The following ACE variants were observed in gnomAD, a reference collection of about 807,000 sequenced individuals.
ACE encodes angiotensin-converting enzyme.
ACE carries 122 observed loss-of-function variants against 162.3 expected under a neutral mutation model. The observed-to-expected ratio is 0.75, with a 90% CI of 0.65 to 0.87. The LOEUF is 0.87. Among genes scored for constraint, ACE ranks in the 40% least tolerant of loss-of-function variants. ACE has a pLI of 0.00. For missense variants in ACE, 1,799 were observed against 1,735.1 expected (o/e 1.04, Z -0.65); for synonymous variants, 796 against 720.6 (o/e 1.10, Z -1.68).
chr17:63,478,408 G>C (rs1055790828), intron 2 of ACE: 7 of 403,852 alleles, frequency 1.7e-5, no homozygotes, highest in African/African-American at 1.4e-4. Flanking sequence ...GCTCAAGCCT[G>C]TAATCCCAGC....
Position 63,484,382 on chromosome 17 carries a change from A to C in ACE, c.1762A>C (p.Met588Leu). Residue 588 changes from methionine to leucine, a missense_variant, in exon 12 of 25, where the codon ATG (methionine) becomes CTG (leucine). Transcript: ENST00000290866. This position sits in a 1 kb window ranked among gnomAD's most constrained non-coding sequence, Gnocchi z 4.0. Reference sequence around the variant, plus strand: ...GCCCTGGCAGGAGGTGCTGAAGGACATGGTCGGCTTAGATGCCCTGGATGC... The same window carrying C: ...GCCCTGGCAGGAGGTGCTGAAGGACCTGGTCGGCTTAGATGCCCTGGATGC... ...SRPWQEVLKD[M>L]VGLDALDAQP... 6.2e-7 allele frequency: 1 copy of C among 1,611,980 alleles called. No individual in the cohort carries two copies. Among genetic ancestry groups the C allele is most frequent in the Non-Finnish European group, 8.5e-7 (1 of 1,179,918 alleles).
In ACE at chr17:63,479,060, C is replaced by T. The variant is rs758350830; in HGVS notation, c.471C>T (p.Cys157=). ...MSRIYSTAKV[C]LPNKTATCWS... ...GGATCTACTCCACCGCCAAGGTCTGCCTCCCCAACAAGACTGCCACCTGCT... is the reference window on the plus strand; with the variant it reads ...GGATCTACTCCACCGCCAAGGTCTGTCTCCCCAACAAGACTGCCACCTGCT... The change falls in exon 3 of 25, where the codon TGC becomes TGT. Residue 157 remains cysteine, a synonymous_variant. Transcript: ENST00000290866. The T allele has an allele frequency of 1.9e-6, 3 of 1,613,572 alleles. No individual in the cohort carries two copies. Among genetic ancestry groups the T allele is most frequent in the South Asian group, 2.2e-5 (2 of 90,996 alleles).
chr17:63,478,055 G>T lies in ACE; in HGVS notation c.374G>T (p.Arg125Leu). ...PQLRRIIGAV[R>L]TLGSANLPLA... is the part of the protein sequence containing the mutation. ...CTGCGCAGGATCATCGGAGCTGTGC[G>T]CACCCTGGGCTCTGCCAACCTGCCC... is the stretch of plus-strand genomic sequence containing the variant. The change falls in exon 2 of 25, where the codon CGC (arginine) becomes CTC (leucine). Residue 125 changes from arginine (R) to leucine (L), a missense_variant. By Grantham distance (102) the Arg-to-Leu change is moderately radical (BLOSUM62 -2). Coordinates refer to ENST00000290866, the MANE Select transcript of ACE (RefSeq NM_000789.4). 1 of 1,600,248 alleles carries T rather than the reference G, an allele frequency of 6.2e-7. No individual in the cohort carries two copies. Among genetic ancestry groups the T allele is most frequent in the South Asian group, 1.1e-5 (1 of 88,848 alleles).
rs540734174 is a variant in ACE at position 63,493,561 on chromosome 17, G to C, written c.3038G>C (p.Gly1013Ala). 4.3e-6 allele frequency: 7 copies of C among 1,614,170 alleles called. No individual in the cohort carries two copies. In the South Asian group the frequency reaches 7.7e-5, roughly 18 times the overall value. The change falls in exon 20 of 25, where the codon GGC becomes GCC. Residue 1013 changes from glycine to alanine, a missense_variant. Transcript: ENST00000290866. ...PVALREGANP[G>A]FHEAIGDVLA... ...GCCTTGAGGGAGGGTGCCAACCCCG[G>C]CTTCCATGAGGCCATTGGGGACGTG...
At chr17:63,477,698 G>T (rs1488181376) in intron 1 of ACE, 7 of 579,876 alleles carry the variant, frequency 1.2e-5, no homozygotes, top group African/African-American at 1.1e-4. Context: ...CCCTCCACTC[G>T]CCCGGCCTCT....
chr17:63,486,734 A>T lies in ACE; in HGVS notation c.2217+19A>T. On this transcript the variant is annotated intron_variant, in intron 14 of 24. Transcript: ENST00000290866. Reference sequence around the variant, plus strand: ...GGAGGAGGTGTGTGGCTCGCAAGGTACAGGGAGAGGGGAATCCTGGGGCAG... The same window carrying T: ...GGAGGAGGTGTGTGGCTCGCAAGGTTCAGGGAGAGGGGAATCCTGGGGCAG... 1.2e-6 allele frequency: 2 copies of T among 1,614,118 alleles called. No individual in the cohort carries two copies. Among genetic ancestry groups the T allele is most frequent in the Non-Finnish European group, 1.7e-6 (2 of 1,180,010 alleles).
chr17:63,490,720 G>A, intron 17 of ACE: 2 of 568,006 alleles, frequency 3.5e-6, no homozygotes, highest in East Asian at 3.1e-5. Flanking sequence ...AAGACCACCT[G>A]GATTCCCTGA....
chr17:63,477,426 C>T, intron 1 of ACE, 83 bp downstream of exon 1: 1 of 1,091,872 alleles, frequency 9.2e-7, no homozygotes, highest in Non-Finnish European at 1.1e-6. Context: ...GGCGGGCAGG[C>T]TGGCGCCCCC....
chr17:63,494,301 C>A (rs1198128122), intron 21 of ACE, 71 bp from the exon 22 acceptor site: 23 of 1,467,260 alleles, frequency 1.6e-5, no homozygotes, highest in Non-Finnish European at 2.2e-5. Context: ...GACCCTCCCT[C>A]AAGTCAAAAA....
chr17:63,490,972 C>A lies in ACE; in HGVS notation c.2660C>A (p.Thr887Asn), dbSNP rs761719023. Residue 887 changes from threonine (T) to asparagine (N), a missense_variant, in exon 18 of 25, where the codon ACC becomes AAC. Coordinates refer to ENST00000290866, the MANE Select transcript of ACE (RefSeq NM_000789.4). ...AHLLGNMWAQTWSNIYDLVVP... is the reference protein window; with the variant it reads ...AHLLGNMWAQNWSNIYDLVVP... ...CCTCCAGGGAACATGTGGGCGCAGA[C>A]CTGGTCCAACATCTATGACTTGGTG... 3 of 1,614,112 alleles carry A rather than the reference C, an allele frequency of 1.9e-6. No individual in the cohort carries two copies. Among genetic ancestry groups the A allele is most frequent in the East Asian group, 4.5e-5 (2 of 44,888 alleles).
intron 20 of ACE, 54 bp from the exon 21 acceptor site, chr17:63,493,868 A>G: frequency 6.2e-7 from 1 of 1,613,640 alleles, no homozygotes. Flanking sequence ...CAGGCACACC[A>G]GGGCCAAGCC....
intron 22 of ACE, chr17:63,496,102 A>G (rs1209256450): frequency 2.1e-6 from 1 of 465,960 alleles, no homozygotes; most frequent in Non-Finnish European, 4.0e-6. Context: ...CACCTGCCAG[A>G]TCTCTGAAGG....
At chr17:63,489,299 AG>A (rs1414397462) in intron 17 of ACE, among the ~76,000 whole-genome samples, 167 bp downstream of exon 17, 6 of 152,004 alleles carry the variant, frequency 3.9e-5, no homozygotes, top group Non-Finnish European at 8.8e-5. Context: ...GGGAGTGGGG[AG>A]CCCCCCACTT....
rs776418026 is a variant in ACE at position 63,484,422 on chromosome 17, A to G, written c.1802A>G (p.Lys601Arg). Residue 601 changes from lysine to arginine, a missense_variant, in exon 12 of 25, where the codon AAG (lysine) becomes AGG (arginine). Lys to Arg is a conservative substitution (Grantham distance 26, BLOSUM62 2). Coordinates refer to ENST00000290866, the MANE Select transcript of ACE (RefSeq NM_000789.4). This position sits in a 1 kb window ranked among gnomAD's most constrained non-coding sequence, Gnocchi z 4.0. ...LDALDAQPLL[K>R]YFQPVTQWLQ... ...GCCCTGGATGCCCAGCCGCTGCTCAAGTACTTCCAGCCAGTCACCCAGTGG... is the reference window on the plus strand; with the variant it reads ...GCCCTGGATGCCCAGCCGCTGCTCAGGTACTTCCAGCCAGTCACCCAGTGG... 1.4e-5 allele frequency: 23 copies of G among 1,612,334 alleles called. No individual in the cohort carries two copies. The highest frequency in any genetic ancestry group is 1.8e-4 in the Middle Eastern group (1 of 5,592).
rs1023118441 is a variant in ACE at position 63,497,981 on chromosome 17, C to T, written c.*615C>T. ...CCAGGGGAAGGCTTCCGGCTGTTAT[C>T]GGCTGCCTCAGGGGGCGAGTACCTT... On this transcript the variant is annotated 3_prime_UTR_variant, in exon 25 of 25. Transcript: ENST00000290866. The T allele has an allele frequency of 2.0e-5, 4 of 196,254 alleles. No homozygotes were observed. The highest frequency in any genetic ancestry group is 1.8e-4 in the South Asian group (2 of 10,826). 12.2% of individuals were successfully genotyped at this position (196,254 alleles called of 1,614,324 possible).
In ACE at chr17:63,484,067, G is replaced by C. The variant is rs553363731; in HGVS notation, c.1709+96G>C. The C allele has an allele frequency of 1.3e-6, 2 of 1,515,890 alleles. No individual in the cohort carries two copies. Among genetic ancestry groups the C allele is most frequent in the East Asian group, 2.5e-5 (1 of 40,754 alleles). The allele number at this position is 1,515,890 out of a possible 1,614,324, so 93.9% of individuals were successfully genotyped here. On this transcript the variant is annotated intron_variant, in intron 11 of 24. Transcript: ENST00000290866. This position sits in a 1 kb window ranked among gnomAD's most constrained non-coding sequence, Gnocchi z 4.0. ...TCTGGCTGCTCTGATGGGGTGGGGG[G>C]CACCAACCACAGAGCTGGACTGATG...
At chr17:63,478,256 A>G in intron 2 of ACE, 158 bp downstream of exon 2, 1 of 972,314 alleles carries the variant, frequency 1.0e-6, no homozygotes, top group South Asian at 1.7e-5. Flanking sequence ...CTTTCTGAGC[A>G]TTGATTTTTC....
intron 6 of ACE, 135 bp from the exon 7 acceptor site, chr17:63,481,431 T>C: frequency 4.9e-6 from 5 of 1,029,182 alleles, no homozygotes; most frequent in Non-Finnish European, 7.2e-6. Flanking sequence ...GTGAGGGCCC[T>C]GCCTCTGGGA....
At position 63,483,567 on chromosome 17, in the gene ACE, G is replaced by GCGGGGGGGGGGGCCCCCCCCCCCCCCC; in HGVS notation, c.1586+10_1586+11insGGGGGGGGGGGCCCCCCCCCCCCCCCC. ...GTGACACCATACATCAGGTATTAGC[G>GCGGGGGGGGGGGCCCCCCCCCCCCCCC]CCCCCACCCCACCCACCCCCAGTAC... On this transcript the variant is annotated intron_variant, in intron 10 of 24. Coordinates refer to ENST00000290866, the MANE Select transcript of ACE (RefSeq NM_000789.4). 1 of 1,589,386 alleles carries GCGGGGGGGGGGGCCCCCCCCCCCCCCC rather than the reference G, an allele frequency of 6.3e-7. No homozygotes were observed.
Sources: gnomAD v4.1 joint callset for allele counts (sites outside exome capture counted in the v4.1 genomes callset) on GRCh38, gnomAD v4.1.1 for gene constraint, Gnocchi (gnomAD v3.1) non-coding constraint, MANE v1.5 for transcripts, NCBI Gene and HGNC (gene_info 2026-07-23, HGNC 2026-07-21) for gene names.